DNAI1: variants seen among roughly 807,000 people sequenced by gnomAD.
DNAI1 encodes the protein dynein axonemal intermediate chain 1.
A neutral mutation model predicts 92.0 loss-of-function variants in DNAI1; 67 were observed. That is an observed-to-expected ratio of 0.73 (90% confidence interval 0.60 to 0.89). The LOEUF (loss-of-function observed/expected upper bound fraction) is 0.89, where lower values mean the gene tolerates loss of function less well. Ranked by LOEUF, DNAI1 falls within the 40% of genes least tolerant of loss-of-function variation. DNAI1 has a pLI of 0.00. For missense variants in DNAI1, 839 were observed against 866.6 expected (o/e 0.97, Z 0.40); for synonymous variants, 323 against 319.6 (o/e 1.01, Z -0.11).
chr9:34,489,192 T>C, intron 4 of DNAI1, 131 bp from the exon 5 acceptor site: 2 of 1,056,610 alleles, frequency 1.9e-6, no homozygotes, highest in South Asian at 1.3e-5. Context: ...TCAGATTAAC[T>C]GAGGATTTGG....
At chr9:34,493,103 T>C (rs1824641278) in intron 8 of DNAI1, 91 bp from the exon 9 acceptor site, 9 of 1,577,606 alleles carry the variant, frequency 5.7e-6, no homozygotes, top group African/African-American at 1.3e-5. Flanking sequence ...AGGGTTAACA[T>C]GACCAATTCC....
Position 34,514,537 on chromosome 9 carries a change from C to T in DNAI1, c.1713C>T (p.Thr571=), listed in dbSNP as rs770312736. ...SDWTVKIWDH[T]IKTPMFIYDL... is the part of the protein sequence containing the mutation. ...GGACAGTGAAGATCTGGGACCACAC[C>T]ATCAAGTGAGGGGCCTGTTCCTGGC... is the stretch of plus-strand genomic sequence containing the variant. Residue 571 remains threonine (T), a synonymous_variant, in exon 17 of 20, where the codon ACC becomes ACT. Transcript: ENST00000242317. 5.0e-6 allele frequency: 8 copies of T among 1,614,240 alleles called. No homozygotes were observed. The South Asian group carries it at 8.8e-5, about 18-fold the overall frequency.
intron 1 of DNAI1, among the ~76,000 whole-genome samples, chr9:34,477,202 G>A (rs1290162968): frequency 4.6e-5 from 7 of 152,042 alleles, no homozygotes; most frequent in South Asian, 2.1e-4. Context: ...ATTTTTATGT[G>A]GAGATGGGGT....
At chr9:34,518,780 C>T (rs1434683975) in intron 19 of DNAI1, among the ~76,000 whole-genome samples, 1 of 151,910 alleles carries the variant, frequency 6.6e-6, no homozygotes, top group Non-Finnish European at 1.5e-5. Flanking sequence ...GGGAGCCTGC[C>T]CTGCCCACTC....
At chr9:34,497,321 C>G in intron 10 of DNAI1, 122 bp downstream of exon 10, 2 of 758,254 alleles carry the variant, frequency 2.6e-6, no homozygotes, top group Non-Finnish European at 2.4e-6. Flanking sequence ...AAAATAATCC[C>G]TCTGTCCTCT....
intron 9 of DNAI1, among the ~76,000 whole-genome samples, chr9:34,493,720 T>C (rs1443288945): frequency 6.6e-6 from 1 of 152,166 alleles, no homozygotes; most frequent in East Asian, 1.9e-4. Flanking sequence ...GTGAGATGTT[T>C]TTTCACTTTC....
intron 1 of DNAI1, 52 bp downstream of exon 1, chr9:34,459,105 G>T (rs758881186): frequency 1.3e-6 from 2 of 1,522,512 alleles, no homozygotes; most frequent in African/African-American, 1.4e-5. Flanking sequence ...GTCGTCGCCA[G>T]TGACCACTAA....
chr9:34,491,460 G>A (rs1035997946), intron 7 of DNAI1, 35 bp from the exon 8 acceptor site: 3 of 1,612,820 alleles, frequency 1.9e-6, no homozygotes, highest in Admixed American at 1.7e-5. Context: ...GGAGTTGAGG[G>A]CTTTTTGTGG....
Position 34,514,747 on chromosome 9 carries a change from C to G in DNAI1, c.1818+8C>G. 1 of 1,613,796 alleles carries G rather than the reference C, an allele frequency of 6.2e-7. No individual in the cohort carries two copies. Among genetic ancestry groups the G allele is most frequent in the South Asian group, 1.1e-5 (1 of 91,082 alleles). Reference sequence around the variant, plus strand: ...GTCACCACAGATGGGAAGGTGAGTGCCAGCGTCCTGACTTCACTGAGTCCC... The same window carrying G: ...GTCACCACAGATGGGAAGGTGAGTGGCAGCGTCCTGACTTCACTGAGTCCC... On this transcript the variant is annotated splice_region_variant and intron_variant, in intron 18 of 19. Transcript: ENST00000242317.
In DNAI1 at chr9:34,506,850, C is replaced by G; in HGVS notation, c.1287C>G (p.Gly429=). The stretch of plus-strand genomic sequence containing the variant: ...CCTTCTGCAGCTCAGCCAAGTCTGG[C>G]AAGCACTCAGACCCTGTGTGGCAGG... The part of the protein sequence containing the change: ...QPSFCSSAKS[G]KHSDPVWQVK... Residue 429 remains glycine (G), a synonymous_variant, in exon 13 of 20, where the codon GGC becomes GGG. Coordinates refer to ENST00000242317, the MANE Select transcript of DNAI1 (RefSeq NM_012144.4). The G allele has an allele frequency of 6.2e-7, 1 of 1,614,088 alleles. No homozygotes were observed. Among genetic ancestry groups the G allele is most frequent in the Non-Finnish European group, 8.5e-7 (1 of 1,180,014 alleles).
intron 1 of DNAI1, among the ~76,000 whole-genome samples, chr9:34,478,329 T>A (rs1347166879): frequency 6.6e-6 from 1 of 152,146 alleles, no homozygotes; most frequent in Non-Finnish European, 1.5e-5. Context: ...GGGTCAAGCA[T>A]ATATCCCTGG....
intron 15 of DNAI1, among the ~76,000 whole-genome samples, chr9:34,512,883 G>A (rs1223601976): frequency 6.6e-6 from 1 of 152,246 alleles, no homozygotes. Flanking sequence ...CCTGTCTGCA[G>A]AACCCCTGGC....
intron 7 of DNAI1, 133 bp from the exon 8 acceptor site, chr9:34,491,362 C>T (rs1171471668): frequency 2.3e-6 from 2 of 888,480 alleles, no homozygotes; most frequent in African/African-American, 1.7e-5. Flanking sequence ...CCAAGCCCCT[C>T]TTTACTTCCC....
intron 1 of DNAI1, among the ~76,000 whole-genome samples, chr9:34,472,357 G>A (rs578007141): frequency 6.6e-6 from 1 of 152,332 alleles, no homozygotes; most frequent in South Asian, 2.1e-4. Context: ...ATCCAGCAAA[G>A]GCTTACTCTA....
At chr9:34,461,103 A>C (rs930132902) in intron 1 of DNAI1, among the ~76,000 whole-genome samples, 1 of 152,110 alleles carries the variant, frequency 6.6e-6, no homozygotes, top group East Asian at 1.9e-4. Context: ...CGGCCTCCCA[A>C]AGTGCTGGGA....
At chr9:34,510,442 A>C (rs1488327334) in intron 13 of DNAI1, among the ~76,000 whole-genome samples, 3 of 152,166 alleles carry the variant, frequency 2.0e-5, no homozygotes, top group Non-Finnish European at 4.4e-5. Context: ...CTGCCCTAAG[A>C]AAATAAGGCA....
intron 19 of DNAI1, 76 bp downstream of exon 19, chr9:34,517,543 C>T: frequency 2.6e-6 from 4 of 1,560,750 alleles, no homozygotes; most frequent in Non-Finnish European, 2.6e-6. Context: ...AGGGAGAAGC[C>T]AGGGTGACCA....
intron 1 of DNAI1, among the ~76,000 whole-genome samples, chr9:34,461,132 G>A (rs547621891): frequency 6.6e-6 from 1 of 152,098 alleles, no homozygotes; most frequent in East Asian, 1.9e-4. Flanking sequence ...GTGGGCCACC[G>A]CACCCAGCCA....
At chr9:34,496,621 T>A (rs1824730034) in intron 9 of DNAI1, among the ~76,000 whole-genome samples, 1 of 152,190 alleles carries the variant, frequency 6.6e-6, no homozygotes, top group South Asian at 2.1e-4. Context: ...GTCTCTCCCC[T>A]CTTTGGGCCT....
Sources: allele counts gnomAD v4.1 joint callset (sites outside exome capture counted in the v4.1 genomes callset), GRCh38; gene constraint gnomAD v4.1.1; transcripts MANE v1.5; gene names NCBI Gene and HGNC (gene_info 2026-07-23, HGNC 2026-07-21).